Variants in FHDC1 observed in about 807,000 individuals in gnomAD.
The protein encoded by FHDC1 is FH2 domain-containing protein 1.
In FHDC1, 25 loss-of-function variants were observed where a neutral mutation model predicts 52.6. That is an observed-to-expected ratio of 0.48 (90% CI 0.35 to 0.66). The LOEUF (loss-of-function observed/expected upper bound fraction) is 0.66, where lower values mean the gene tolerates loss of function less well. Among genes scored for constraint, FHDC1 ranks in the 30% least tolerant of loss-of-function variants. The pLI, the probability that FHDC1 is intolerant of heterozygous loss-of-function variation, is 0.01. For synonymous variants in FHDC1, 616 were observed against 581.5 expected, an observed-to-expected ratio of 1.06 and a Z score of -0.85; for missense variants, 1,459 against 1,452.8, an observed-to-expected ratio of 1.00 and a Z score of -0.07.
In FHDC1 at chr4:152,954,313, A is replaced by G. The variant is rs1167698470; in HGVS notation, c.657A>G (p.Ser219=). Residue 219 remains serine, a synonymous_variant, in exon 4 of 12, where the codon TCA becomes TCG. Coordinates refer to ENST00000511601, the MANE Select transcript of FHDC1 (RefSeq NM_001371116.1). ...LREFLKFLPE[S]EEVKKLKAFS... ...AATTTCTTAAGTTTTTGCCAGAGTC[A>G]GAAGAGGTAAGAAATTCAGCGCATG... is the stretch of plus-strand genomic sequence containing the variant. The G allele has an allele frequency of 6.2e-7, 1 of 1,612,770 alleles. No individual in the cohort carries two copies. Among genetic ancestry groups the G allele is most frequent in the Non-Finnish European group, 8.5e-7 (1 of 1,178,726 alleles).
intron 4 of FHDC1, among the ~76,000 whole-genome samples, chr4:152,956,485 A>G (rs1000119070): frequency 1.3e-5 from 2 of 152,204 alleles, no homozygotes; most frequent in African/African-American, 2.4e-5. Flanking sequence ...GGGATTTTTC[A>G]AAGAAGCAAG....
the FHDC1 span, among the ~76,000 whole-genome samples, chr4:152,913,692 T>TA: frequency 6.6e-6 from 1 of 152,152 alleles, no homozygotes; most frequent in African/African-American, 2.4e-5. Context: ...TTTATTTATT[T>TA]TTTTTGAGAC....
rs1262135578 is a variant in FHDC1, at chr4:152,954,115, T to G, written c.561-102T>G. The G allele has an allele frequency of 5.4e-6, 5 of 922,090 alleles. No homozygotes were observed. The African/African-American group carries it at 6.6e-5, about 12-fold the overall frequency. The allele number at this position is 922,090 out of a possible 1,614,324, so 57.1% of individuals were successfully genotyped here. On this transcript the variant is annotated intron_variant, in intron 3 of 11. Transcript: ENST00000511601. ...ACTGCCAGCCAGTCTGGGAAGGAGG[T>G]GGGTGGGAAGGAGGGTGGAGGAGAT...
In FHDC1 at chr4:152,964,938, T is replaced by C. The variant is rs1740414250; in HGVS notation, c.1063T>C (p.Phe355Leu). 2.5e-6 allele frequency: 4 copies of C among 1,612,416 alleles called. No homozygotes were observed. The highest frequency in any genetic ancestry group is 3.4e-6 in the Non-Finnish European group (4 of 1,179,476). ...AQKKDTILLN[F>L]SEKLHHVQKT... ...AAAGAAAGATACCATTCTTCTAAACTTTTCAGAAAAATTGCATCATGTTCA... is the reference window on the plus strand; with the variant it reads ...AAAGAAAGATACCATTCTTCTAAACCTTTCAGAAAAATTGCATCATGTTCA... Residue 355 changes from phenylalanine (F) to leucine (L), a missense_variant, in exon 9 of 12, where the codon TTT becomes CTT. Physicochemically the swap from Phe to Leu is conservative, Grantham distance 22. Around this residue, in one of 3 missense-constraint regions of FHDC1, gnomAD observed 513 missense variants for 581.5 expected, o/e 0.88. Coordinates refer to ENST00000511601, the MANE Select transcript of FHDC1 (RefSeq NM_001371116.1).
chr4:152,972,871 T>C (rs896439307), intron 11 of FHDC1, among the ~76,000 whole-genome samples: 1 of 152,246 alleles, frequency 6.6e-6, no homozygotes, highest in Non-Finnish European at 1.5e-5. Flanking sequence ...TAAAAGTCTC[T>C]TGAAGATCCT....
At chr4:152,966,787 G>T (rs1012902715) in intron 9 of FHDC1, among the ~76,000 whole-genome samples, 1 of 151,966 alleles carries the variant, frequency 6.6e-6, no homozygotes, top group African/African-American at 2.4e-5. Flanking sequence ...TTGATTTGAT[G>T]TATATAACAA....
Position 152,943,100 on chromosome 4 carries a change from A to T in FHDC1, c.43A>T (p.Asn15Tyr). ...NCVSLVSDKE[N>Y]GNIATAPGFM... ...TGTCTCCTTGGTCAGTGATAAAGAA[A>T]ATGGGAATATTGCCACAGCACCTGG... Residue 15 changes from asparagine to tyrosine, a missense_variant, in exon 2 of 12, where the codon AAT (asparagine) becomes TAT (tyrosine). By Grantham distance (143) the Asn-to-Tyr change is moderately radical (BLOSUM62 -2). Around this residue, in one of 3 missense-constraint regions of FHDC1, gnomAD observed 513 missense variants for 581.5 expected, o/e 0.88. Coordinates refer to ENST00000511601, the MANE Select transcript of FHDC1 (RefSeq NM_001371116.1). 6.2e-7 allele frequency: 1 copy of T among 1,613,994 alleles called. No homozygotes were observed.
At chr4:152,949,429 A>G (rs1739857167) in intron 2 of FHDC1, among the ~76,000 whole-genome samples, 1 of 151,768 alleles carries the variant, frequency 6.6e-6, no homozygotes, top group African/African-American at 2.4e-5. Flanking sequence ...GCAGTGAGCT[A>G]TGATCACACC....
At chr4:152,925,232 CAATT>C in the FHDC1 span, among the ~76,000 whole-genome samples, 1 of 151,638 alleles carries the variant, frequency 6.6e-6, no homozygotes, top group Non-Finnish European at 1.5e-5. Flanking sequence ...TTCTTTAAGC[CAATT>C]AATTAGACCT....
chr4:152,973,587 G>A (rs933829069), intron 11 of FHDC1, among the ~76,000 whole-genome samples: 7 of 152,170 alleles, frequency 4.6e-5, no homozygotes, highest in African/African-American at 1.7e-4. Flanking sequence ...GCCAGGCACC[G>A]GCCCCACCAC....
the FHDC1 span, among the ~76,000 whole-genome samples, chr4:152,930,962 AACACACACAC>A: frequency 7.6e-5 from 8 of 104,818 alleles, no homozygotes; most frequent in Admixed American, 4.1e-4. Context: ...TCCCCAGGGA[AACACACACAC>A]ACACACACAC....
At chr4:152,962,676 GT>G in intron 6 of FHDC1, 137 bp from the exon 7 acceptor site, 1 of 653,576 alleles carries the variant, frequency 1.5e-6, no homozygotes, top group South Asian at 1.9e-5. Context: ...GTATTGCTTT[GT>G]TTGTTTTTTC....
At chr4:152,972,305 C>G (rs1489719335) in intron 10 of FHDC1, 72 bp from the exon 11 acceptor site, 1 of 1,460,326 alleles carries the variant, frequency 6.8e-7, no homozygotes, top group Non-Finnish European at 9.1e-7. Context: ...TCTCTGGGCA[C>G]CGGATGCAGT....
At chr4:152,970,429 T>A (rs1740606875) in intron 10 of FHDC1, among the ~76,000 whole-genome samples, 1 of 152,220 alleles carries the variant, frequency 6.6e-6, no homozygotes, top group South Asian at 2.1e-4. Context: ...ACATTCAGAA[T>A]GTTTCATTTT....
intron 8 of FHDC1, among the ~76,000 whole-genome samples, chr4:152,963,618 G>A (rs1244693887): frequency 6.6e-6 from 1 of 151,362 alleles, no homozygotes; most frequent in African/African-American, 2.4e-5. Context: ...AGAGAATAGA[G>A]GATGGAGGAT....
chr4:152,941,780 G>A (rs183455107), intron 1 of FHDC1, among the ~76,000 whole-genome samples: 3 of 152,260 alleles, frequency 2.0e-5, no homozygotes, highest in Admixed American at 6.5e-5. Flanking sequence ...TATGGGCTTT[G>A]ACAGTGGTGC....
chr4:152,961,677 G>A (rs1480490088), intron 6 of FHDC1, among the ~76,000 whole-genome samples: 2 of 152,142 alleles, frequency 1.3e-5, no homozygotes, highest in Non-Finnish European at 2.9e-5. Context: ...TCTAGTTATT[G>A]TTTTAGAATT....
rs3076048 is a variant in FHDC1 at position 152,947,810 on chromosome 4, A to AAG, written c.498+4279_498+4280dup. On this transcript the variant is annotated intron_variant, in intron 2 of 11. Transcript: ENST00000511601. ...GCTAATTAGAAAAAGAAGACCACAG[A>AAG]AGAGAGAGAGAGAGAGAGAGAGAGA... 2.5e-3 allele frequency among the ~76,000 whole-genome samples: 369 copies of AAG among 150,122 alleles called. 1 individual carries two copies. Among genetic ancestry groups the AAG allele is most frequent in the African/African-American group, 4.9e-3 (200 of 40,954 alleles).
rs201576598 is a variant in FHDC1 at position 152,976,014 on chromosome 4, T to C, written c.2723T>C (p.Ile908Thr). 4.5e-5 allele frequency: 69 copies of C among 1,549,084 alleles called. No homozygotes were observed. The South Asian group carries it at 7.7e-4, about 17-fold the overall frequency. Residue 908 changes from isoleucine to threonine, a missense_variant, in exon 12 of 12, where the codon ATC becomes ACC. Physicochemically the swap from Ile to Thr is moderately conservative, Grantham distance 89 (BLOSUM62 -1). Transcript: ENST00000511601. ...ENESMRKVMP[I>T]TKSSRGAGWR... Reference sequence around the variant, plus strand: ...GAGAGCATGCGCAAGGTCATGCCCATCACCAAGTCCAGCAGAGGCGCCGGC... The same window carrying C: ...GAGAGCATGCGCAAGGTCATGCCCACCACCAAGTCCAGCAGAGGCGCCGGC...
Sources: allele counts gnomAD v4.1 joint callset (sites outside exome capture counted in the v4.1 genomes callset), GRCh38; gene constraint gnomAD v4.1.1; regional missense constraint gnomAD v4.1.1; transcripts MANE v1.5; gene names NCBI Gene and HGNC (gene_info 2026-07-23, HGNC 2026-07-21).